The following PTBP3 variants were observed in gnomAD, a reference collection of about 807,000 sequenced individuals.
The protein encoded by PTBP3 is polypyrimidine tract-binding protein 3.
PTBP3 carries 20 observed loss-of-function variants against 58.7 expected under a neutral mutation model. That is an observed-to-expected ratio of 0.34 (90% CI 0.24 to 0.50). The LOEUF is 0.50. PTBP3 is among the 20% of genes least tolerant of loss of function. The probability of loss-of-function intolerance (pLI) is 0.98; values close to 1 mark genes in which losing one functional copy is unlikely to be tolerated. For synonymous variants in PTBP3, 185 were observed against 219.8 expected, an observed-to-expected ratio of 0.84 and a Z score of 1.40; for missense variants, 509 against 637.2, an observed-to-expected ratio of 0.80 and a Z score of 2.17.
At chr9:112,344,788 A>T in the PTBP3 span, among the ~76,000 whole-genome samples, 3 of 152,254 alleles carry the variant, frequency 2.0e-5, no homozygotes, top group Non-Finnish European at 4.4e-5. Flanking sequence ...AGATTAACAT[A>T]TGAAAATTAG....
the PTBP3 span, among the ~76,000 whole-genome samples, chr9:112,376,171 A>ATATATATATATATATATATATG: frequency 1.3e-4 from 18 of 143,716 alleles, no homozygotes; most frequent in African/African-American, 4.7e-4. Context: ...ATATATATAT[A>ATATATATATATATATATATATG]TATATATCCT....
At chr9:112,270,285 T>C (rs1487858555) in intron 3 of PTBP3, among the ~76,000 whole-genome samples, 1 of 152,268 alleles carries the variant, frequency 6.6e-6, no homozygotes, top group East Asian at 1.9e-4. Context: ...ATGTTACATT[T>C]TGAAAAAAGG....
intron 7 of PTBP3, among the ~76,000 whole-genome samples, chr9:112,248,780 T>C (rs928273786): frequency 2.6e-5 from 4 of 152,186 alleles, no homozygotes; most frequent in African/African-American, 9.7e-5. Context: ...TCCTTTCCTA[T>C]GTACTTCTTA....
chr9:112,294,308 G>A (rs1369646879), intron 2 of PTBP3, among the ~76,000 whole-genome samples: 1 of 152,112 alleles, frequency 6.6e-6, no homozygotes, highest in African/African-American at 2.4e-5. Flanking sequence ...ATTGAGCCCA[G>A]GAGTTTGAGA....
chr9:112,329,391 G>C (rs961968770), intron 1 of PTBP3, among the ~76,000 whole-genome samples: 2 of 144,442 alleles, frequency 1.4e-5, no homozygotes, highest in African/African-American at 5.2e-5. Context: ...TCCCCAGCCT[G>C]GGCAACAGGG....
intron 5 of PTBP3, among the ~76,000 whole-genome samples, chr9:112,257,989 T>A (rs1461770109): frequency 6.6e-6 from 1 of 152,020 alleles, no homozygotes; most frequent in African/African-American, 2.4e-5. Flanking sequence ...AATTTTTTTT[T>A]AGTATCAAGC....
rs746319119 is a variant in PTBP3, at chr9:112,268,203, A to G, written c.205-8T>C. The stretch of plus-strand genomic sequence containing the variant: ...AGCCATTTCTAAGAAAGCCTGCAAT[A>G]AACACAAGAAGGTAAAGTTAAAGCT... On this transcript the variant is annotated splice_polypyrimidine_tract_variant and splice_region_variant and intron_variant, in intron 3 of 13. Coordinates refer to ENST00000374257, the MANE Select transcript of PTBP3 (RefSeq NM_001163788.4). 7 of 1,600,076 alleles carry G rather than the reference A, an allele frequency of 4.4e-6. No individual in the cohort carries two copies. The Admixed American group carries it at 9.0e-5, about 21-fold the overall frequency.
chr9:112,222,784 AGCACATAATAAG>A lies in PTBP3; in HGVS notation c.*1055_*1066del. The A allele has an allele frequency of 3.2e-6, 3 of 934,074 alleles. No homozygotes were observed. Among genetic ancestry groups the A allele is most frequent in the Non-Finnish European group, 3.8e-6 (3 of 782,924 alleles). The allele number at this position is 934,074 out of a possible 1,614,324, so 57.9% of individuals were successfully genotyped here. A position where few individuals can be genotyped will look rare whatever the true frequency, so the allele number is the denominator to read the frequency against. ...TTAAACTCTAACCTATTGTATCTTA[AGCACATAATAAG>A]GCACATAATAAGAAATTAAGTAAAT... On this transcript the variant is annotated 3_prime_UTR_variant, in exon 14 of 14. Coordinates refer to ENST00000374257, the MANE Select transcript of PTBP3 (RefSeq NM_001163788.4).
In PTBP3 at chr9:112,231,823, A is replaced by G. The variant is rs147167287; in HGVS notation, c.1020+276T>C. Among the ~76,000 whole-genome samples, 87 of 151,832 alleles carry G rather than the reference A, an allele frequency of 5.7e-4. 3 individuals carry two copies. In the East Asian group the frequency reaches 0.016, roughly 28 times the overall value. On this transcript the variant is annotated intron_variant, in intron 9 of 13. Transcript: ENST00000374257. ...CCTGAGAGCCTGAGGTGGGAGGATC[A>G]CTTGAGCCCAGGAAGCAGAGGTCAC...
chr9:112,340,095 G>T, the PTBP3 span, among the ~76,000 whole-genome samples: 1 of 152,132 alleles, frequency 6.6e-6, no homozygotes, highest in Non-Finnish European at 1.5e-5. Flanking sequence ...CTCCTGAGTA[G>T]CGGAAACTGT....
At position 112,262,587 on chromosome 9, in the gene PTBP3, C is replaced by G; in HGVS notation, c.364G>C (p.Ala122Pro). The change falls in exon 5 of 14, where the codon GCA (alanine) becomes CCA (proline). Residue 122 changes from alanine to proline, a missense_variant. By Grantham distance (27) the Ala-to-Pro change is conservative. Coordinates refer to ENST00000374257, the MANE Select transcript of PTBP3 (RefSeq NM_001163788.4). ...TGGACGGCACTGACAGCCTGCAGTG[C>G]AGCTTGGGCTCGCTATAGAACAACC... is the stretch of plus-strand genomic sequence containing the variant. ...NLPNQARAQA[A>P]LQAVSAVQSG... 6.3e-7 allele frequency: 1 copy of G among 1,599,714 alleles called. No individual in the cohort carries two copies. The highest frequency in any genetic ancestry group is 1.1e-5 in the South Asian group (1 of 88,214).
chr9:112,333,662 G>T (rs1830484824), upstream of PTBP3: 2 of 562,180 alleles, frequency 3.6e-6, no homozygotes. Context: ...CCACCGCCGC[G>T]CCCCCGCCTT....
intron 1 of PTBP3, among the ~76,000 whole-genome samples, chr9:112,332,369 T>C (rs187884211): frequency 1.2e-3 from 76 of 65,568 alleles, no homozygotes; most frequent in African/African-American, 6.5e-3. Context: ...GGTCAAAAGC[T>C]GTTGGAAGAT....
At position 112,324,418 on chromosome 9, in the gene PTBP3, C is replaced by T. The variant is rs189685563; in HGVS notation, c.-52+9052G>A. 1.1e-4 allele frequency among the ~76,000 whole-genome samples: 16 copies of T among 152,208 alleles called. No homozygotes were observed. The East Asian group carries it at 2.1e-3, about 20-fold the overall frequency. On this transcript the variant is annotated intron_variant, in intron 1 of 13. Coordinates refer to ENST00000374257, the MANE Select transcript of PTBP3 (RefSeq NM_001163788.4). ...CTGAAATCCCAGCACTTTGGGAGCC[C>T]GAGTCTGGTGGATCAGTTGAGGTCA... is the stretch of plus-strand genomic sequence containing the variant.
intron 2 of PTBP3, among the ~76,000 whole-genome samples, chr9:112,277,095 T>C (rs564835104): frequency 4.6e-5 from 7 of 152,320 alleles, no homozygotes; most frequent in Non-Finnish European, 8.8e-5. Flanking sequence ...AATATAGCTA[T>C]ATTTCGTATC....
rs774033718 is a variant in PTBP3 at position 112,227,416 on chromosome 9, G to A, written c.1359C>T (p.Asn453=). 3 of 1,612,978 alleles carry A rather than the reference G, an allele frequency of 1.9e-6. No homozygotes were observed. The highest frequency in any genetic ancestry group is 2.2e-5 in the South Asian group (2 of 91,058). The part of the protein sequence containing the change: ...FPPSATLHLS[N]IPPSVTVDDL... ...ATAACTTATTAGGTACATACGGAATGTTGGAAAGATGCAGAGTGGCTGATG... is the reference window on the plus strand; with the variant it reads ...ATAACTTATTAGGTACATACGGAATATTGGAAAGATGCAGAGTGGCTGATG... Residue 453 remains asparagine, a synonymous_variant, in exon 12 of 14, where the codon AAC becomes AAT. Transcript: ENST00000374257.
intron 2 of PTBP3, among the ~76,000 whole-genome samples, chr9:112,280,765 GTA>G (rs899829973): frequency 1.0e-3 from 46 of 44,544 alleles, no homozygotes; most frequent in African/African-American, 6.3e-3. Context: ...GTCTGTGTGT[GTA>G]TGTGTGTGTG....
At chr9:112,322,335 G>A (rs1442602317) in intron 1 of PTBP3, among the ~76,000 whole-genome samples, 1 of 152,034 alleles carries the variant, frequency 6.6e-6, no homozygotes, top group African/African-American at 2.4e-5. Flanking sequence ...GGCTTACCTG[G>A]CCTACCTAAG....
At chr9:112,327,431 T>C (rs950388402) in intron 1 of PTBP3, among the ~76,000 whole-genome samples, 5 of 151,076 alleles carry the variant, frequency 3.3e-5, no homozygotes, top group Non-Finnish European at 7.4e-5. Flanking sequence ...CATGGTGGCG[T>C]GTGCCTGTAG....
Sources: gnomAD v4.1 joint callset for allele counts (sites outside exome capture counted in the v4.1 genomes callset) on GRCh38, gnomAD v4.1.1 for gene constraint, MANE v1.5 for transcripts, NCBI Gene and HGNC (gene_info 2026-07-23, HGNC 2026-07-21) for gene names.